C8orf74: variants seen among roughly 807,000 people sequenced by gnomAD.
C8orf74 encodes uncharacterized protein C8orf74.
Under a neutral mutation model 22.2 loss-of-function variants are expected in C8orf74, and 29 were observed. That is an observed-to-expected ratio of 1.31 (90% CI 0.97 to 1.78). The LOEUF (loss-of-function observed/expected upper bound fraction) is 1.78. C8orf74 is among the 40% of genes most tolerant of loss of function. The pLI is 0.00. For synonymous variants in C8orf74, 255 were observed against 163.1 expected (o/e 1.56, Z -4.30); for missense variants, 515 against 369.9 (o/e 1.39, Z -3.22).
chr8:10,673,258 A>C (rs945019400), intron 1 of C8orf74, among the ~76,000 whole-genome samples: 1 of 152,060 alleles, frequency 6.6e-6, no homozygotes, highest in African/African-American at 2.4e-5. Context: ...CTGCACCCCA[A>C]ACATTTTTTT....
intron 2 of C8orf74, among the ~76,000 whole-genome samples, chr8:10,678,557 T>TGGGGCAGGACCA (rs1355959453): frequency 7.0e-6 from 1 of 142,094 alleles, no homozygotes; most frequent in Non-Finnish European, 1.5e-5. Context: ...CTGCAGGAGA[T>TGGGGCAGGACCA]GGGGCAGGAC....
chr8:10,674,697 G>C lies in C8orf74; in HGVS notation c.100G>C (p.Asp34His), dbSNP rs1482667657. 9 of 1,609,994 alleles carry C rather than the reference G, an allele frequency of 5.6e-6. No homozygotes were observed. Among genetic ancestry groups the C allele is most frequent in the South Asian group, 1.1e-5 (1 of 89,960 alleles). ...LRRLLNWEEF[D>H]EQRDSRRSIL... ...GAGGCTTCTGAACTGGGAGGAGTTT[G>C]ACGAACAGAGAGACTCCCGGAGGAG... The change falls in exon 2 of 4, where the codon GAC (aspartate) becomes CAC (histidine). Residue 34 changes from aspartate (D) to histidine (H), a missense_variant. Physicochemically the swap from Asp to His is moderately conservative, Grantham distance 81. Transcript: ENST00000304519.
chr8:10,676,058 G>C (rs1030524672), intron 2 of C8orf74, among the ~76,000 whole-genome samples: 2 of 152,164 alleles, frequency 1.3e-5, no homozygotes, highest in African/African-American at 4.8e-5. Flanking sequence ...ACACGTGAAA[G>C]GATGCTTCGG....
rs747181938 is a variant in C8orf74 at position 10,697,805 on chromosome 8, C to A, written c.448C>A (p.Pro150Thr). ...CCTGGAGGTGTGCATGCCACCCCAT[C>A]CCCTCCCGCTGGCCGAGGGCATGGA... is the stretch of plus-strand genomic sequence containing the variant. ...AHLEVCMPPH[P>T]LPLAEGMDRD... Residue 150 changes from proline (P) to threonine (T), a missense_variant, in exon 3 of 4, where the codon CCC becomes ACC. Physicochemically the swap from Pro to Thr is conservative, Grantham distance 38 (BLOSUM62 -1). Transcript: ENST00000304519. The A allele has an allele frequency of 3.1e-6, 5 of 1,613,990 alleles. No individual in the cohort carries two copies. The highest frequency in any genetic ancestry group is 4.2e-6 in the Non-Finnish European group (5 of 1,179,898).
rs780386946 is a variant in C8orf74, at chr8:10,674,780, A to G, written c.183A>G (p.Pro61=). Residue 61 remains proline, a synonymous_variant, in exon 2 of 4, where the codon CCA becomes CCG. Coordinates refer to ENST00000304519, the MANE Select transcript of C8orf74 (RefSeq NM_001040032.2). The part of the protein sequence containing the change: ...SIIFAVGKGF[P]WVEVAQVVKF... ...TCTTTGCAGTGGGCAAAGGCTTCCC[A>G]TGGGTGGAGGTGGCCCAGGTGGTCA... 1.2e-6 allele frequency: 2 copies of G among 1,607,026 alleles called. No homozygotes were observed. Among genetic ancestry groups the G allele is most frequent in the Admixed American group, 1.7e-5 (1 of 58,930 alleles).
chr8:10,694,269 G>GT (rs1799443052), intron 2 of C8orf74, among the ~76,000 whole-genome samples: 1 of 152,158 alleles, frequency 6.6e-6, no homozygotes, highest in South Asian at 2.1e-4. Context: ...TTAATAGACA[G>GT]TAACAATTTA....
At chr8:10,688,964 C>T (rs1368934677) in intron 2 of C8orf74, 3 of 152,244 alleles carry the variant, frequency 2.0e-5, no homozygotes, top group South Asian at 2.1e-4. Context: ...GTCCCCAGGC[C>T]GTGGACAGCA....
intron 2 of C8orf74, among the ~76,000 whole-genome samples, chr8:10,680,157 T>C (rs957694462): frequency 6.6e-6 from 1 of 152,216 alleles, no homozygotes; most frequent in Non-Finnish European, 1.5e-5. Flanking sequence ...CTTGCCCCAG[T>C]GACGCTCCTT....
At position 10,700,276 on chromosome 8, in the gene C8orf74, G is replaced by A. The variant is rs1479574923; in HGVS notation, c.690G>A (p.Met230Ile). 6 of 1,612,698 alleles carry A rather than the reference G, an allele frequency of 3.7e-6. No homozygotes were observed. The South Asian group carries it at 6.6e-5, about 18-fold the overall frequency. Residue 230 changes from methionine to isoleucine, a missense_variant, in exon 4 of 4, where the codon ATG becomes ATA. Coordinates refer to ENST00000304519, the MANE Select transcript of C8orf74 (RefSeq NM_001040032.2). ...TCTGCCAGGCAGTCCACACCCAGATGGAGCTCCTGCAGGAGCTGCTGCAGC... is the reference window on the plus strand; with the variant it reads ...TCTGCCAGGCAGTCCACACCCAGATAGAGCTCCTGCAGGAGCTGCTGCAGC... The part of the protein sequence containing the change: ...SLICQAVHTQ[M>I]ELLQELLQRQ...
chr8:10,692,755 T>A (rs112554527), intron 2 of C8orf74: 3 of 152,166 alleles, frequency 2.0e-5, no homozygotes, highest in African/African-American at 7.2e-5. Context: ...ACCCCTGCCA[T>A]GGCCTCTGAA....
chr8:10,679,211 G>C (rs925870761), intron 2 of C8orf74, among the ~76,000 whole-genome samples: 5 of 152,102 alleles, frequency 3.3e-5, no homozygotes, highest in Admixed American at 1.3e-4. Context: ...GCCCTGGAAC[G>C]GTGGTCAGCA....
chr8:10,678,620 C>A (rs1474868602), intron 2 of C8orf74, among the ~76,000 whole-genome samples: 2 of 149,456 alleles, frequency 1.3e-5, no homozygotes, highest in Non-Finnish European at 3.0e-5. Context: ...AAGCAAACTG[C>A]AGATTTGTTT....
intron 2 of C8orf74, among the ~76,000 whole-genome samples, chr8:10,676,272 C>T (rs1421389396): frequency 6.6e-6 from 1 of 152,050 alleles, no homozygotes; most frequent in African/African-American, 2.4e-5. Context: ...ACAGGCTGCA[C>T]GAGGCTGTGT....
chr8:10,675,320 T>G (rs1487902226), intron 2 of C8orf74, among the ~76,000 whole-genome samples: 2 of 151,530 alleles, frequency 1.3e-5, no homozygotes, highest in Non-Finnish European at 3.0e-5. Context: ...CCTGGCCCTG[T>G]GCAGGGCTTG....
intron 2 of C8orf74, among the ~76,000 whole-genome samples, chr8:10,696,207 C>T (rs147472695): frequency 6.6e-6 from 1 of 151,998 alleles, no homozygotes; most frequent in Non-Finnish European, 1.5e-5. Flanking sequence ...GTGCTGAGCA[C>T]CTGAAAGAGT....
rs529915970 is a variant in C8orf74, at chr8:10,694,820, A to G, written c.242-2779A>G. 5.8e-4 allele frequency among the ~76,000 whole-genome samples: 89 copies of G among 152,264 alleles called. 1 individual carries two copies. The highest frequency in any genetic ancestry group is 4.2e-3 in the South Asian group (20 of 4,818). On this transcript the variant is annotated intron_variant, in intron 2 of 3. Coordinates refer to ENST00000304519, the MANE Select transcript of C8orf74 (RefSeq NM_001040032.2). Reference sequence around the variant, plus strand: ...GATCAAAGAATTAATGGATGGATGAATAGGTGAATGGATAAACAAACGGGT... The same window carrying G: ...GATCAAAGAATTAATGGATGGATGAGTAGGTGAATGGATAAACAAACGGGT...
At chr8:10,676,339 T>C (rs142508362) in intron 2 of C8orf74, among the ~76,000 whole-genome samples, 2 of 152,296 alleles carry the variant, frequency 1.3e-5, no homozygotes, top group South Asian at 2.1e-4. Context: ...TCAGTCCTGC[T>C]GGCAACACCT....
At chr8:10,689,593 G>A (rs1409809512) in intron 2 of C8orf74, 3 of 152,108 alleles carry the variant, frequency 2.0e-5, no homozygotes, top group East Asian at 1.9e-4. Context: ...CCTCCTGTGC[G>A]GTTGAAAACC....
chr8:10,691,337 C>G (rs1183396371), intron 2 of C8orf74: 1 of 186,644 alleles, frequency 5.4e-6, no homozygotes, highest in African/African-American at 2.3e-5. Flanking sequence ...CTGAGCCTGG[C>G]AGACTTCTCT....
Sources: allele counts gnomAD v4.1 joint callset (sites outside exome capture counted in the v4.1 genomes callset), GRCh38; gene constraint gnomAD v4.1.1; transcripts MANE v1.5; gene names NCBI Gene and HGNC (gene_info 2026-07-23, HGNC 2026-07-21).